The following MOXD1 variants were observed in gnomAD, a reference collection of about 807,000 sequenced individuals.
MOXD1 encodes DBH-like monooxygenase protein 1.
Under a neutral mutation model 66.6 loss-of-function variants are expected in MOXD1, and 62 were observed. The ratio of observed to expected loss-of-function variants is 0.93; its 90% confidence interval spans 0.76 to 1.15. The LOEUF (loss-of-function observed/expected upper bound fraction) is 1.15. Ranked by LOEUF, MOXD1 falls within the 50% of genes most tolerant of loss-of-function variation. The probability of loss-of-function intolerance (pLI) is 0.00; values close to 1 mark genes in which losing one functional copy is unlikely to be tolerated. For missense variants in MOXD1, 847 were observed against 754.6 expected, an observed-to-expected ratio of 1.12 and a Z score of -1.44; for synonymous variants, 303 against 281.9, an observed-to-expected ratio of 1.07 and a Z score of -0.75.
intron 4 of MOXD1, among the ~76,000 whole-genome samples, chr6:132,339,211 T>C (rs963727902): frequency 6.6e-5 from 10 of 152,238 alleles, no homozygotes; most frequent in African/African-American, 2.4e-4. Context: ...TTCTGAAATA[T>C]GGCATCCCTC....
intron 9 of MOXD1, 39 bp from the exon 10 acceptor site, chr6:132,315,816 A>C (rs756778846): frequency 1.3e-6 from 2 of 1,595,982 alleles, no homozygotes; most frequent in South Asian, 2.2e-5. Context: ...TATGTGTTCT[A>C]CCAACTTTGA....
intron 4 of MOXD1, among the ~76,000 whole-genome samples, chr6:132,332,266 A>G (rs1775336477): frequency 6.6e-6 from 1 of 152,044 alleles, no homozygotes; most frequent in Non-Finnish European, 1.5e-5. Context: ...AAAAACACCA[A>G]CCCATAAAAC....
chr6:132,315,879 T>G, intron 9 of MOXD1, 102 bp from the exon 10 acceptor site: 1 of 1,214,614 alleles, frequency 8.2e-7, no homozygotes. Context: ...AATATTAAAA[T>G]TTAATACATC....
rs1326375643 is a variant in MOXD1 at position 132,386,439 on chromosome 6, A to C, written c.265-11662T>G. On this transcript the variant is annotated intron_variant, in intron 1 of 11. Transcript: ENST00000367963. ...AAAACAAAACAAAACAAAACAAAAA[A>C]AAAAAACAAAAAAAAAACGGGAAAA... 2.9e-4 allele frequency among the ~76,000 whole-genome samples: 43 copies of C among 146,338 alleles called. 2 individuals are homozygous for C. The highest frequency in any genetic ancestry group is 4.2e-4 in the Non-Finnish European group (28 of 66,876).
chr6:132,343,162 T>C (rs966035436), intron 4 of MOXD1, among the ~76,000 whole-genome samples: 6 of 152,120 alleles, frequency 3.9e-5, no homozygotes, highest in African/African-American at 1.4e-4. Context: ...ACCAAAATAA[T>C]GGAGAAATTA....
intron 10 of MOXD1, among the ~76,000 whole-genome samples, chr6:132,309,120 C>T (rs1288245084): frequency 2.0e-5 from 3 of 151,962 alleles, no homozygotes; most frequent in African/African-American, 7.3e-5. Flanking sequence ...TTTAGAAAAC[C>T]CCATCATCTC....
Position 132,322,789 on chromosome 6 carries a change from G to C in MOXD1, c.1195C>G (p.Leu399Val). Residue 399 changes from leucine (L) to valine (V), a missense_variant, in exon 8 of 12, where the codon CTG (leucine) becomes GTG (valine). Transcript: ENST00000367963. ...TCCTTCCCTTTTCGAAAATGACGCA[G>C]CCTGATGCCTCTGCCAGCCAGGTGA... Reference protein sequence around the residue: ...HAHLAGRGIRLRHFRKGKEMK... With the variant: ...HAHLAGRGIRVRHFRKGKEMK... 4 of 1,614,034 alleles carry C rather than the reference G, an allele frequency of 2.5e-6. No individual in the cohort carries two copies. Among genetic ancestry groups the C allele is most frequent in the Non-Finnish European group, 3.4e-6 (4 of 1,179,984 alleles).
intron 6 of MOXD1, among the ~76,000 whole-genome samples, 180 bp from the exon 7 acceptor site, chr6:132,324,277 A>C (rs571890170): frequency 2.0e-4 from 30 of 152,250 alleles, no homozygotes; most frequent in African/African-American, 7.0e-4. Context: ...GACAACATTC[A>C]GTTTCACAAA....
intron 1 of MOXD1, among the ~76,000 whole-genome samples, chr6:132,394,621 T>C (rs1776833867): frequency 1.2e-5 from 1 of 82,858 alleles, no homozygotes; most frequent in Admixed American, 1.1e-4. Context: ...ATAGATGTCA[T>C]AAAAAAAGAG....
At chr6:132,345,646 T>A (rs1775653929) in intron 4 of MOXD1, among the ~76,000 whole-genome samples, 1 of 152,156 alleles carries the variant, frequency 6.6e-6, no homozygotes, top group Non-Finnish European at 1.5e-5. Flanking sequence ...TATTACTGAG[T>A]CAATGCAACA....
chr6:132,307,179 C>A (rs2114538328), intron 10 of MOXD1, among the ~76,000 whole-genome samples: 1 of 151,894 alleles, frequency 6.6e-6, no homozygotes, highest in African/African-American at 2.4e-5. Context: ...AGAAAATTTA[C>A]CAAGCAAATT....
chr6:132,318,621 C>T (rs1184415712), intron 9 of MOXD1, among the ~76,000 whole-genome samples: 2 of 151,932 alleles, frequency 1.3e-5, no homozygotes. Context: ...TAAAACTCTT[C>T]TTAGTTTCTT....
intron 6 of MOXD1, among the ~76,000 whole-genome samples, chr6:132,325,449 A>T (rs543008824): frequency 6.6e-6 from 1 of 152,196 alleles, no homozygotes; most frequent in Admixed American, 6.5e-5. Flanking sequence ...GGCCCCTGTG[A>T]ATCGATTAAT....
At chr6:132,346,714 A>AT (rs1422197850) in intron 4 of MOXD1, among the ~76,000 whole-genome samples, 1 of 152,136 alleles carries the variant, frequency 6.6e-6, no homozygotes, top group Admixed American at 6.5e-5. Flanking sequence ...TTTAAATCAT[A>AT]TTTTTTTGCC....
chr6:132,395,749 C>A (rs1440936520), intron 1 of MOXD1, among the ~76,000 whole-genome samples: 1 of 152,052 alleles, frequency 6.6e-6, no homozygotes, highest in Non-Finnish European at 1.5e-5. Context: ...GTGAAACATA[C>A]CTTAAGTATA....
rs75148315 is a variant in MOXD1, at chr6:132,389,841, G to C, written c.264+11322C>G. 5.8e-3 allele frequency among the ~76,000 whole-genome samples: 881 copies of C among 151,292 alleles called. 14 individuals carry two copies. The highest frequency in any genetic ancestry group is 0.02 in the African/African-American group (825 of 41,426). ...TCATGAGTTTCCTTTTATAAGTGAG[G>C]TTTCAATGTATAAACTTCATAGAAA... On this transcript the variant is annotated intron_variant, in intron 1 of 11. Transcript: ENST00000367963.
chr6:132,398,075 T>C (rs1270836819), intron 1 of MOXD1, among the ~76,000 whole-genome samples: 1 of 152,200 alleles, frequency 6.6e-6, no homozygotes, highest in African/African-American at 2.4e-5. Flanking sequence ...GAGTCTCTAT[T>C]GTCTATCATT....
chr6:132,384,241 T>TCTTCCTTCCTTCCTTCCTTC (rs149111930), intron 1 of MOXD1, among the ~76,000 whole-genome samples: 1 of 112,408 alleles, frequency 8.9e-6, no homozygotes, highest in African/African-American at 3.4e-5. Context: ...TCCCTCCCTC[T>TCTTCCTTCCTTCCTTCCTTC]CTTCCTTCCT....
chr6:132,304,637 A>C (rs1364397478), intron 10 of MOXD1, among the ~76,000 whole-genome samples: 1 of 152,220 alleles, frequency 6.6e-6, no homozygotes, highest in East Asian at 1.9e-4. Flanking sequence ...ATCTGTAAGC[A>C]ATAAACCCAT....
Sources: gnomAD v4.1 joint callset for allele counts (sites outside exome capture counted in the v4.1 genomes callset) on GRCh38, gnomAD v4.1.1 for gene constraint, MANE v1.5 for transcripts, NCBI Gene and HGNC (gene_info 2026-07-23, HGNC 2026-07-21) for gene names.